ALPL: variants seen among roughly 807,000 people sequenced by gnomAD.
ALPL encodes the protein alkaline phosphatase, tissue-nonspecific isozyme.
ALPL carries 42 observed loss-of-function variants against 51.3 expected under a neutral mutation model. The observed-to-expected ratio is 0.82, with a 90% CI of 0.64 to 1.06. The LOEUF is 1.06. ALPL is among the 50% of genes least tolerant of loss of function. ALPL has a pLI of 0.00. For missense variants in ALPL, 589 were observed against 709.4 expected, an observed-to-expected ratio of 0.83 and a Z score of 1.93; for synonymous variants, 279 against 296.4, an observed-to-expected ratio of 0.94 and a Z score of 0.60.
upstream of ALPL, among the ~76,000 whole-genome samples, chr1:21,509,143 G>T (rs952131019): frequency 1.3e-5 from 2 of 152,104 alleles, no homozygotes; most frequent in African/African-American, 4.8e-5. This position sits in a 1 kb window ranked among gnomAD's most constrained non-coding sequence, Gnocchi z 6.0. Flanking sequence ...GAGAGGAAGG[G>T]CTGGGCTGGG....
Position 21,564,025 on chromosome 1 carries a change from C to T in ALPL, c.473-16C>T. The T allele has an allele frequency of 3.1e-6, 5 of 1,613,238 alleles. No individual in the cohort carries two copies. Among genetic ancestry groups the T allele is most frequent in the Non-Finnish European group, 4.2e-6 (5 of 1,179,938 alleles). On this transcript the variant is annotated splice_polypyrimidine_tract_variant and intron_variant, in intron 5 of 11. Coordinates refer to ENST00000374840, the MANE Select transcript of ALPL (RefSeq NM_000478.6). The surrounding 1 kb of genome is among the most constrained non-coding windows in gnomAD (Gnocchi z 5.8). ...GATCTGTGGATAAAGCCAAACCCGCCCCTCCTGCACCCCAGGGAAATCTGT... is the reference window on the plus strand; with the variant it reads ...GATCTGTGGATAAAGCCAAACCCGCTCCTCCTGCACCCCAGGGAAATCTGT...
intron 1 of ALPL, among the ~76,000 whole-genome samples, chr1:21,530,711 C>A (rs1416308211): frequency 2.0e-5 from 3 of 151,898 alleles, no homozygotes; most frequent in African/African-American, 4.8e-5. Context: ...TGTAGAGGCC[C>A]CCTGTAGTGA....
chr1:21,573,810 C>G lies in ALPL; in HGVS notation c.997+11C>G, dbSNP rs187255765. 1 of 1,613,956 alleles carries G rather than the reference C, an allele frequency of 6.2e-7. No homozygotes were observed. Among genetic ancestry groups the G allele is most frequent in the African/African-American group, 1.3e-5 (1 of 74,926 alleles). The stretch of plus-strand genomic sequence containing the variant: ...TCTTGCTGGTGGAAGGTAGGGACCC[C>G]GGGTCTGCTGAGAGGGGGCTGCTGG... On this transcript the variant is annotated intron_variant, in intron 9 of 11. Coordinates refer to ENST00000374840, the MANE Select transcript of ALPL (RefSeq NM_000478.6).
intron 1 of ALPL, among the ~76,000 whole-genome samples, chr1:21,550,538 A>G (rs920679633): frequency 6.6e-6 from 1 of 152,146 alleles, no homozygotes; most frequent in African/African-American, 2.4e-5. Flanking sequence ...TTGTTCATGT[A>G]AGCTCCCAAA....
intron 1 of ALPL, among the ~76,000 whole-genome samples, chr1:21,542,740 A>G (rs1032203238): frequency 2.0e-5 from 3 of 152,210 alleles, no homozygotes; most frequent in Non-Finnish European, 4.4e-5. Context: ...AGGGAGGCTA[A>G]GGCATGAGAA....
Position 21,576,450 on chromosome 1 carries a change from G to C in ALPL, c.1190-72G>C. The C allele has an allele frequency of 1.3e-6, 2 of 1,586,060 alleles. 1 individual carries two copies. Among genetic ancestry groups the C allele is most frequent in the African/African-American group, 2.7e-5 (2 of 74,236 alleles). On this transcript the variant is annotated intron_variant, in intron 10 of 11. Coordinates refer to ENST00000374840, the MANE Select transcript of ALPL (RefSeq NM_000478.6). ...CCAGGGGTTACCAAGCCACCAAGGA[G>C]CCTAATCTGGGGGCTGGGGACTGTA... is the stretch of plus-strand genomic sequence containing the variant.
At chr1:21,523,644 G>A (rs929877525) in intron 1 of ALPL, among the ~76,000 whole-genome samples, 2 of 152,224 alleles carry the variant, frequency 1.3e-5, no homozygotes, top group Non-Finnish European at 2.9e-5. Flanking sequence ...CCTCACCCCT[G>A]CCTGGGGCAG....
intron 4 of ALPL, among the ~76,000 whole-genome samples, chr1:21,562,039 T>C (rs1268059949): frequency 2.6e-5 from 4 of 152,156 alleles, no homozygotes; most frequent in Non-Finnish European, 4.4e-5. Context: ...AATTAGACTA[T>C]AGGCATACCT....
chr1:21,513,848 G>A (rs1248398034), intron 1 of ALPL, among the ~76,000 whole-genome samples: 1 of 152,200 alleles, frequency 6.6e-6, no homozygotes, highest in Non-Finnish European at 1.5e-5. Flanking sequence ...TGGCCACAGT[G>A]GCTGGAGCTG....
rs375203654 is a variant in ALPL, at chr1:21,568,669, T to C, written c.792+422T>C. Among the ~76,000 whole-genome samples the C allele has an allele frequency of 1.3e-4, 20 of 151,928 alleles. No individual in the cohort carries two copies. In the East Asian group the frequency reaches 2.1e-3, roughly 16 times the overall value. On this transcript the variant is annotated intron_variant, in intron 7 of 11. Transcript: ENST00000374840. ...AGATGACAGGGAGGAGCCAAGAAGCTCTGGGCAAGTAGGAGGATGGAGGGA... is the reference window on the plus strand; with the variant it reads ...AGATGACAGGGAGGAGCCAAGAAGCCCTGGGCAAGTAGGAGGATGGAGGGA...
intron 1 of ALPL, among the ~76,000 whole-genome samples, chr1:21,553,741 G>A (rs1644361829): frequency 6.6e-6 from 1 of 152,188 alleles, no homozygotes; most frequent in African/African-American, 2.4e-5. Flanking sequence ...TTAGGAAATG[G>A]GACGGAACTG....
At chr1:21,535,540 G>C (rs1046580463) in intron 1 of ALPL, among the ~76,000 whole-genome samples, 2 of 152,046 alleles carry the variant, frequency 1.3e-5, no homozygotes, top group East Asian at 1.9e-4. Context: ...GTTTGAGCTC[G>C]GGAGGTTGAG....
chr1:21,510,243 G>A (rs1306894264), intron 1 of ALPL, among the ~76,000 whole-genome samples: 1 of 152,196 alleles, frequency 6.6e-6, no homozygotes, highest in Non-Finnish European at 1.5e-5. Context: ...TTAAACGCAG[G>A]TCTCAGCAGA....
intron 8 of ALPL, among the ~76,000 whole-genome samples, chr1:21,572,866 T>C (rs1358953463): frequency 6.6e-6 from 1 of 152,212 alleles, no homozygotes; most frequent in Admixed American, 6.5e-5. Flanking sequence ...GCTGTTTCGC[T>C]GCACAGGCCA....
chr1:21,570,976 C>G (rs150498749), intron 8 of ALPL, among the ~76,000 whole-genome samples: 1 of 152,214 alleles, frequency 6.6e-6, no homozygotes, highest in East Asian at 1.9e-4. Flanking sequence ...AACACAGCTC[C>G]GCGTCCTGGG....
intron 1 of ALPL, among the ~76,000 whole-genome samples, chr1:21,528,181 A>C (rs971742195): frequency 1.3e-5 from 2 of 151,036 alleles, no homozygotes; most frequent in African/African-American, 4.9e-5. Flanking sequence ...CACCACACCC[A>C]GGTAATTTTT....
intron 1 of ALPL, among the ~76,000 whole-genome samples, chr1:21,545,537 C>T (rs970310449): frequency 1.3e-5 from 2 of 152,016 alleles, no homozygotes; most frequent in Non-Finnish European, 2.9e-5. Context: ...GTGATCCACC[C>T]TCCTCAGCCT....
In ALPL at chr1:21,570,373, G is replaced by C; in HGVS notation, c.861G>C (p.Leu287Phe). Residue 287 changes from leucine (L) to phenylalanine (F), a missense_variant and splice_region_variant, in exon 8 of 12, where the codon TTG (leucine) becomes TTC (phenylalanine). By Grantham distance (22) the Leu-to-Phe change is conservative. Transcript: ENST00000374840. ...TLDPHNVDYL[L>F]GLFEPGDMQY... The stretch of plus-strand genomic sequence containing the variant: ...ACCCCCACAATGTGGACTACCTATT[G>C]GGTAAGTGGAGGGGGTGGAGGGGAG... The C allele has an allele frequency of 6.2e-7, 1 of 1,614,032 alleles. No individual in the cohort carries two copies. The highest frequency in any genetic ancestry group is 8.5e-7 in the Non-Finnish European group (1 of 1,179,958).
intron 11 of ALPL, 106 bp from the exon 12 acceptor site, chr1:21,577,277 T>C: frequency 6.4e-7 from 1 of 1,564,480 alleles, no homozygotes. Flanking sequence ...TTTCCTCTTC[T>C]GTGAAATGGG....
Sources: allele counts gnomAD v4.1 joint callset (sites outside exome capture counted in the v4.1 genomes callset), GRCh38; gene constraint gnomAD v4.1.1; non-coding constraint Gnocchi (gnomAD v3.1); transcripts MANE v1.5; gene names NCBI Gene and HGNC (gene_info 2026-07-23, HGNC 2026-07-21).